CSGALNACT1: variants seen among roughly 807,000 people sequenced by gnomAD.
The protein encoded by CSGALNACT1 is beta4GalNAcT-1.
CSGALNACT1 carries 52 observed loss-of-function variants against 51.0 expected under a neutral mutation model. That is an observed-to-expected ratio of 1.02 (90% CI 0.82 to 1.29). The LOEUF is 1.29. Among genes scored for constraint, CSGALNACT1 ranks in the 50% most tolerant of loss-of-function variants. CSGALNACT1 has a pLI of 0.00. For synonymous variants in CSGALNACT1, 341 were observed against 254.4 expected (o/e 1.34, Z -3.24); for missense variants, 935 against 679.2 (o/e 1.38, Z -4.19).
intron 1 of CSGALNACT1, among the ~76,000 whole-genome samples, chr8:19,754,256 T>C (rs1376806649): frequency 2.6e-5 from 4 of 152,106 alleles, no homozygotes; most frequent in Admixed American, 2.6e-4. Context: ...TCAAACTCCT[T>C]ACCTCAAGGT....
chr8:19,431,180 G>C (rs1251625524), intron 6 of CSGALNACT1, among the ~76,000 whole-genome samples: 4 of 151,836 alleles, frequency 2.6e-5, no homozygotes, highest in African/African-American at 7.3e-5. Flanking sequence ...TTATCCAACT[G>C]TCCTGGCTAG....
chr8:19,467,003 T>C (rs1432276140), intron 4 of CSGALNACT1, among the ~76,000 whole-genome samples: 4 of 152,186 alleles, frequency 2.6e-5, no homozygotes, highest in Admixed American at 6.5e-5. Flanking sequence ...TTTGTTTATG[T>C]CATAGATGCA....
upstream of CSGALNACT1, among the ~76,000 whole-genome samples, chr8:19,686,096 C>A (rs180906746): frequency 1.6e-4 from 24 of 152,294 alleles, no homozygotes; most frequent in Admixed American, 5.2e-4. Flanking sequence ...ACAGTTAATT[C>A]TTTTTCTCCA....
chr8:19,656,299 A>C (rs1231794864), intron 1 of CSGALNACT1, among the ~76,000 whole-genome samples: 1 of 152,208 alleles, frequency 6.6e-6, no homozygotes, highest in African/African-American at 2.4e-5. Context: ...ATCTATCCTA[A>C]AAGTCTGGAA....
At chr8:19,439,754 A>G in intron 6 of CSGALNACT1, 76 bp downstream of exon 5, 3 of 1,106,508 alleles carry the variant, frequency 2.7e-6, no homozygotes, top group East Asian at 4.8e-5. Context: ...AAAATTAAGC[A>G]GAAGTTTCAG....
chr8:19,682,446 T>C, intron 1 of CSGALNACT1: 1 of 306,038 alleles, frequency 3.3e-6, no homozygotes, highest in Non-Finnish European at 6.3e-6. Flanking sequence ...TCACACCCAA[T>C]AAAGGAAACT....
At chr8:19,491,520 A>G (rs2074354857) in intron 4 of CSGALNACT1, among the ~76,000 whole-genome samples, 1 of 152,246 alleles carries the variant, frequency 6.6e-6, no homozygotes, top group African/African-American at 2.4e-5. Context: ...ATGTGTCATC[A>G]TTTATAAAAT....
At chr8:19,541,157 G>A (rs1434488602) in intron 3 of CSGALNACT1, among the ~76,000 whole-genome samples, 2 of 151,618 alleles carry the variant, frequency 1.3e-5, no homozygotes, top group African/African-American at 4.9e-5. Flanking sequence ...GCAGCTCACT[G>A]CAACCTTTGC....
At chr8:19,434,420 T>C (rs899175311) in intron 6 of CSGALNACT1, among the ~76,000 whole-genome samples, 5 of 152,200 alleles carry the variant, frequency 3.3e-5, no homozygotes, top group Non-Finnish European at 7.4e-5. Flanking sequence ...TTTTTTTCTC[T>C]CTCTGAAGGA....
At chr8:19,451,125 C>T (rs531467762) in intron 5 of CSGALNACT1, among the ~76,000 whole-genome samples, 1 of 152,028 alleles carries the variant, frequency 6.6e-6, no homozygotes, top group East Asian at 1.9e-4. Context: ...TTTGGTGGTT[C>T]AATGCTTCTT....
intron 1 of CSGALNACT1, among the ~76,000 whole-genome samples, chr8:19,651,617 G>C (rs1217647635): frequency 6.9e-6 from 1 of 145,236 alleles, no homozygotes; most frequent in Admixed American, 7.0e-5. Context: ...TGGATGCACT[G>C]TATTCCATGG....
At chr8:19,558,000 C>T (rs1219314046) in intron 3 of CSGALNACT1, among the ~76,000 whole-genome samples, 3 of 152,160 alleles carry the variant, frequency 2.0e-5, no homozygotes, top group Non-Finnish European at 4.4e-5. Context: ...CAAATACAGT[C>T]CCAACTCTAA....
rs113165634 is a variant in CSGALNACT1, at chr8:19,485,250, G to A, written c.634+19951C>T. On this transcript the variant is annotated intron_variant, in intron 4 of 9. Transcript: ENST00000454498. ...AATCACAACACACTCTTGTGTGTTC[G>A]GCACAGGCTGAAATCTACTAAGTCA... Among the ~76,000 whole-genome samples, 708 of 152,114 alleles carry A rather than the reference G, an allele frequency of 4.7e-3. 6 individuals are homozygous for A. The highest frequency in any genetic ancestry group is 0.016 in the African/African-American group (684 of 41,476).
chr8:19,561,395 C>CA (rs1465484025), intron 3 of CSGALNACT1, among the ~76,000 whole-genome samples: 1 of 152,196 alleles, frequency 6.6e-6, no homozygotes, highest in Non-Finnish European at 1.5e-5. Flanking sequence ...TCATGACCAA[C>CA]AAGCACAGGA....
chr8:19,449,811 GA>G (rs2062779271), intron 5 of CSGALNACT1, among the ~76,000 whole-genome samples: 3 of 151,972 alleles, frequency 2.0e-5, no homozygotes, highest in African/African-American at 7.2e-5. Flanking sequence ...AATTGAGAAA[GA>G]TTTTTTTTAA....
chr8:19,644,709 C>CAAAAAA (rs756025465), intron 1 of CSGALNACT1, among the ~76,000 whole-genome samples: 1 of 22,288 alleles, frequency 4.5e-5, no homozygotes, highest in African/African-American at 1.3e-4. Flanking sequence ...GACTCCGTCT[C>CAAAAAA]AAAAAAAAAA....
At chr8:19,517,233 T>A (rs1281348738) in intron 3 of CSGALNACT1, among the ~76,000 whole-genome samples, 2 of 151,668 alleles carry the variant, frequency 1.3e-5, no homozygotes, top group African/African-American at 4.8e-5. Context: ...AGTTTGGGAG[T>A]TCGAGATCAG....
intron 1 of CSGALNACT1, among the ~76,000 whole-genome samples, chr8:19,666,801 AAGAAAGAAAGAGAGAGAGAGAGAGAGAG>A (rs2059239352): frequency 4.6e-5 from 1 of 21,760 alleles, no homozygotes; most frequent in African/African-American, 3.4e-4. Flanking sequence ...GAAAGAAAGA[AAGAAAGAAAGAGAGAGAGAGAGAGAGAG>A]AGAGAAAGAA....
intron 3 of CSGALNACT1, among the ~76,000 whole-genome samples, chr8:19,511,779 T>C (rs9644629): frequency 0.55 from 82,917 of 152,002 alleles, 24,304 homozygotes; most frequent in East Asian, 0.84. Flanking sequence ...GAGGTTTAAT[T>C]GACTCACAGT....
Sources: allele counts gnomAD v4.1 joint callset (sites outside exome capture counted in the v4.1 genomes callset), GRCh38; gene constraint gnomAD v4.1.1; transcripts MANE v1.5; gene names NCBI Gene and HGNC (gene_info 2026-07-23, HGNC 2026-07-21).